GSK3B: variants seen among roughly 807,000 people sequenced by gnomAD.
GSK3B encodes glycogen synthase kinase 3 beta, also known as glycogen synthase kinase-3 beta.
A neutral mutation model predicts 56.4 loss-of-function variants in GSK3B; 15 were observed. The ratio of observed to expected loss-of-function variants is 0.27; its 90% CI spans 0.18 to 0.41. The LOEUF is 0.41. Ranked by LOEUF, GSK3B falls within the 10% of genes least tolerant of loss-of-function variation. The pLI is 1.00. For synonymous variants in GSK3B, 181 were observed against 188.9 expected (o/e 0.96, Z 0.34); for missense variants, 300 against 513.4 (o/e 0.58, Z 4.02).
intron 1 of GSK3B, 124 bp from the exon 2 acceptor site, chr3:120,002,363 A>G: frequency 2.2e-6 from 1 of 448,528 alleles, no homozygotes; most frequent in East Asian, 3.6e-5. Context: ...TTTGAGATGG[A>G]GTCTCACTCT....
intron 3 of GSK3B, among the ~76,000 whole-genome samples, chr3:119,938,823 A>G (rs1467810297): frequency 6.6e-6 from 1 of 152,124 alleles, no homozygotes; most frequent in Non-Finnish European, 1.5e-5. Context: ...ATCTGGGCTG[A>G]GCCTATTTTA....
intron 1 of GSK3B, among the ~76,000 whole-genome samples, chr3:120,005,029 C>G (rs1246824365): frequency 1.3e-5 from 2 of 151,960 alleles, no homozygotes; most frequent in African/African-American, 4.8e-5. Context: ...AAAACCTTGA[C>G]AAAAGGTTAG....
At chr3:119,992,098 T>C (rs910117772) in intron 2 of GSK3B, among the ~76,000 whole-genome samples, 2 of 152,064 alleles carry the variant, frequency 1.3e-5, no homozygotes, top group Admixed American at 6.6e-5. Flanking sequence ...ACTTTTTTTA[T>C]AAAGTTAGAT....
chr3:119,830,865 G>T (rs1252629690), intron 10 of GSK3B, among the ~76,000 whole-genome samples: 2 of 152,164 alleles, frequency 1.3e-5, no homozygotes, highest in Admixed American at 6.5e-5. Flanking sequence ...TGAGGCCTAT[G>T]AAGTGCTTAG....
intron 1 of GSK3B, chr3:120,041,593 TA>T (rs2058065336): frequency 1.3e-5 from 2 of 155,198 alleles, no homozygotes; most frequent in Non-Finnish European, 2.9e-5. Context: ...GCTACTCTGT[TA>T]AAACAAGAGG....
intron 8 of GSK3B, among the ~76,000 whole-genome samples, chr3:119,872,694 C>T (rs1205954872): frequency 6.6e-6 from 1 of 152,128 alleles, no homozygotes; most frequent in East Asian, 1.9e-4. Context: ...CATTGGAGTG[C>T]TACATCCTTC....
intron 9 of GSK3B, among the ~76,000 whole-genome samples, chr3:119,850,887 G>T (rs1475519739): frequency 6.6e-6 from 1 of 152,124 alleles, no homozygotes; most frequent in Non-Finnish European, 1.5e-5. Context: ...GGTCCATAAT[G>T]AAGTGGGACA....
chr3:120,073,422 A>C (rs2058344043), intron 1 of GSK3B, among the ~76,000 whole-genome samples: 1 of 152,088 alleles, frequency 6.6e-6, no homozygotes, highest in African/African-American at 2.4e-5. Context: ...CTCAGGCTCA[A>C]AACTGATTTT....
At chr3:120,077,836 T>G (rs561366128) in intron 1 of GSK3B, among the ~76,000 whole-genome samples, 7 of 151,518 alleles carry the variant, frequency 4.6e-5, no homozygotes, top group African/African-American at 1.7e-4. Context: ...CTCAAAAAAT[T>G]TTCTTCCTTT....
chr3:120,087,189 T>C (rs76950123), intron 1 of GSK3B, among the ~76,000 whole-genome samples: 3,944 of 152,274 alleles, frequency 0.026, 175 homozygotes, highest in African/African-American at 0.089. Flanking sequence ...AATAACACAA[T>C]TCCACATTGA....
intron 2 of GSK3B, among the ~76,000 whole-genome samples, chr3:119,964,875 T>C (rs866843723): frequency 2.6e-5 from 4 of 152,170 alleles, no homozygotes. Context: ...CACATATTTG[T>C]CCAAATGCAT....
At chr3:119,930,028 G>A (rs13064921) in intron 3 of GSK3B, among the ~76,000 whole-genome samples, 2,185 of 151,098 alleles carry the variant, frequency 0.014, 31 homozygotes, top group Non-Finnish European at 0.022. Context: ...CTAGTGAGCC[G>A]TGATGGCACC....
chr3:119,962,525 T>A (rs971419559), intron 2 of GSK3B, among the ~76,000 whole-genome samples: 1 of 151,944 alleles, frequency 6.6e-6, no homozygotes, highest in African/African-American at 2.4e-5. Context: ...CATAGTACTG[T>A]AAGTCCTAGC....
chr3:120,032,992 C>G (rs1360305239), intron 1 of GSK3B, among the ~76,000 whole-genome samples: 2 of 152,168 alleles, frequency 1.3e-5, no homozygotes, highest in African/African-American at 4.8e-5. Flanking sequence ...AAACACTGTA[C>G]CTCTTAGGTG....
At chr3:120,086,386 G>A (rs1398210165) in intron 1 of GSK3B, among the ~76,000 whole-genome samples, 1 of 152,178 alleles carries the variant, frequency 6.6e-6, no homozygotes, top group Non-Finnish European at 1.5e-5. Context: ...TCAGACAGAG[G>A]TGACCCAGTT....
intron 4 of GSK3B, among the ~76,000 whole-genome samples, chr3:119,916,939 C>T (rs1255088791): frequency 5.9e-5 from 9 of 152,144 alleles, no homozygotes; most frequent in Admixed American, 5.2e-4. Context: ...AAGAATCAGA[C>T]TCTTGACTGG....
chr3:119,989,122 G>A (rs6774081), intron 2 of GSK3B, among the ~76,000 whole-genome samples: 3,344 of 152,140 alleles, frequency 0.022, 138 homozygotes, highest in African/African-American at 0.076. Flanking sequence ...TAAGCTCCCC[G>A]ACCATCACAG....
At chr3:119,975,423 G>A (rs751485007) in intron 2 of GSK3B, among the ~76,000 whole-genome samples, 4 of 151,964 alleles carry the variant, frequency 2.6e-5, no homozygotes, top group Non-Finnish European at 4.4e-5. Context: ...CTCCAGCCTT[G>A]GCACAAGAGC....
intron 8 of GSK3B, among the ~76,000 whole-genome samples, chr3:119,868,433 G>C (rs1214629527): frequency 6.6e-6 from 1 of 152,178 alleles, no homozygotes; most frequent in African/African-American, 2.4e-5. Context: ...GGCAATTTCT[G>C]CCCTACATGT....
Sources: gnomAD v4.1 joint callset for allele counts (sites outside exome capture counted in the v4.1 genomes callset) on GRCh38, gnomAD v4.1.1 for gene constraint, MANE v1.5 for transcripts, NCBI Gene and HGNC (gene_info 2026-07-23, HGNC 2026-07-21) for gene names.